GSK3B: variants seen among roughly 807,000 people sequenced by gnomAD.
The protein encoded by GSK3B is glycogen synthase kinase-3 beta.
GSK3B carries 15 observed loss-of-function variants against 56.4 expected under a neutral mutation model. The observed-to-expected ratio is 0.27, with a 90% confidence interval of 0.18 to 0.41. The LOEUF (loss-of-function observed/expected upper bound fraction) is 0.41. Ranked by LOEUF, GSK3B falls within the 10% of genes least tolerant of loss-of-function variation. GSK3B has a pLI of 1.00. For synonymous variants in GSK3B, 181 were observed against 188.9 expected (o/e 0.96, Z 0.34); for missense variants, 300 against 513.4 (o/e 0.58, Z 4.02).
chr3:119,952,728 TA>T (rs1006770382), intron 2 of GSK3B, among the ~76,000 whole-genome samples: 5 of 150,568 alleles, frequency 3.3e-5, no homozygotes, highest in Admixed American at 6.6e-5. Flanking sequence ...AACAAAAAAT[TA>T]AAAAAAACTA....
chr3:119,999,621 G>C (rs1429758648), intron 2 of GSK3B, among the ~76,000 whole-genome samples: 1 of 152,194 alleles, frequency 6.6e-6, no homozygotes, highest in Non-Finnish European at 1.5e-5. Context: ...AAAAAATATG[G>C]AATTTCCTAG....
At chr3:119,929,137 A>G (rs76867271) in intron 3 of GSK3B, among the ~76,000 whole-genome samples, 2,439 of 152,324 alleles carry the variant, frequency 0.016, 62 homozygotes, top group African/African-American at 0.056. Context: ...GCTGAAGGCT[A>G]AAAGAAAAAA....
chr3:119,837,955 T>C (rs2055716684), intron 10 of GSK3B, among the ~76,000 whole-genome samples: 1 of 147,040 alleles, frequency 6.8e-6, no homozygotes. Flanking sequence ...TATATATATA[T>C]ATATATATAT....
chr3:120,030,006 T>A, intron 1 of GSK3B: 1 of 390,418 alleles, frequency 2.6e-6, no homozygotes, highest in Non-Finnish European at 5.1e-6. Flanking sequence ...TTCAGCTGTG[T>A]CCCCCAGTCT....
intron 1 of GSK3B, among the ~76,000 whole-genome samples, chr3:120,053,617 T>C (rs2058168978): frequency 6.6e-6 from 1 of 152,174 alleles, no homozygotes; most frequent in African/African-American, 2.4e-5. Flanking sequence ...ATAATTACAT[T>C]AAACGGCCCC....
chr3:119,868,848 T>C (rs1410322072), intron 8 of GSK3B, among the ~76,000 whole-genome samples: 1 of 152,148 alleles, frequency 6.6e-6, no homozygotes, highest in Non-Finnish European at 1.5e-5. Context: ...ATATTGACTC[T>C]CAAGTAATCT....
intron 8 of GSK3B, among the ~76,000 whole-genome samples, chr3:119,873,566 G>A (rs2056273296): frequency 6.6e-6 from 1 of 152,068 alleles, no homozygotes; most frequent in Non-Finnish European, 1.5e-5. Context: ...TCAATTGGCT[G>A]CTTACCCTAA....
chr3:119,973,129 C>A (rs1189277840), intron 2 of GSK3B, among the ~76,000 whole-genome samples: 1 of 152,130 alleles, frequency 6.6e-6, no homozygotes, highest in East Asian at 1.9e-4. Context: ...CACATTTAAT[C>A]ATTATATTAA....
intron 1 of GSK3B, among the ~76,000 whole-genome samples, chr3:120,077,480 G>A (rs1192266380): frequency 6.6e-6 from 1 of 152,206 alleles, no homozygotes; most frequent in East Asian, 1.9e-4. Flanking sequence ...GTTAGCAGAG[G>A]TTGAGCAGGG....
intron 3 of GSK3B, among the ~76,000 whole-genome samples, chr3:119,934,910 T>G (rs778896410): frequency 1.7e-4 from 26 of 152,184 alleles, no homozygotes; most frequent in Non-Finnish European, 3.4e-4. Flanking sequence ...TACTCCATTC[T>G]GTATTACTTC....
At chr3:120,039,309 T>C (rs1315052387) in intron 1 of GSK3B, among the ~76,000 whole-genome samples, 6 of 152,212 alleles carry the variant, frequency 3.9e-5, no homozygotes, top group African/African-American at 1.4e-4. Context: ...CTAAATGTAG[T>C]CTTACCACAC....
At chr3:120,018,364 A>C (rs554386308) in intron 1 of GSK3B, among the ~76,000 whole-genome samples, 1 of 152,272 alleles carries the variant, frequency 6.6e-6, no homozygotes, top group South Asian at 2.1e-4. Flanking sequence ...CGGTGGTTCC[A>C]TAGGGCCAAC....
chr3:120,001,170 G>T (rs1252918275), intron 2 of GSK3B, among the ~76,000 whole-genome samples: 2 of 151,722 alleles, frequency 1.3e-5, no homozygotes, highest in Non-Finnish European at 2.9e-5. Context: ...TCATGAATGG[G>T]GTTAGCACCA....
chr3:119,909,293 G>C (rs1415266346), intron 6 of GSK3B, among the ~76,000 whole-genome samples: 1 of 152,196 alleles, frequency 6.6e-6, no homozygotes, highest in Non-Finnish European at 1.5e-5. Flanking sequence ...TTACAGGTGT[G>C]AGCCACTGCA....
chr3:119,980,629 C>G (rs2057451142), intron 2 of GSK3B, among the ~76,000 whole-genome samples: 1 of 152,180 alleles, frequency 6.6e-6, no homozygotes, highest in African/African-American at 2.4e-5. Flanking sequence ...GCTGGCATTA[C>G]AGGCGTGAGA....
At chr3:119,840,012 T>C (rs956238428) in intron 10 of GSK3B, among the ~76,000 whole-genome samples, 1 of 152,176 alleles carries the variant, frequency 6.6e-6, no homozygotes, top group Admixed American at 6.5e-5. Flanking sequence ...AGTTTATTTA[T>C]TTATTTTGTA....
At chr3:119,924,521 T>C (rs1293672457) in intron 3 of GSK3B, among the ~76,000 whole-genome samples, 1 of 151,610 alleles carries the variant, frequency 6.6e-6, no homozygotes, top group Non-Finnish European at 1.5e-5. Context: ...AAACTGTGTA[T>C]AAAAGAAGCA....
At chr3:119,929,059 G>A (rs2056917715) in intron 3 of GSK3B, among the ~76,000 whole-genome samples, 1 of 152,178 alleles carries the variant, frequency 6.6e-6, no homozygotes, top group African/African-American at 2.4e-5. Context: ...TGAGTTATGT[G>A]TGATGATCCT....
At chr3:119,856,583 CTAAA>C (rs569609573) in intron 9 of GSK3B, among the ~76,000 whole-genome samples, 157 of 152,264 alleles carry the variant, frequency 1.0e-3, no homozygotes, top group African/African-American at 3.6e-3. Flanking sequence ...GTTACCTGAA[CTAAA>C]TCTTACCTGC....
Sources: gnomAD v4.1 joint callset for allele counts (sites outside exome capture counted in the v4.1 genomes callset) on GRCh38, gnomAD v4.1.1 for gene constraint, MANE v1.5 for transcripts, NCBI Gene and HGNC (gene_info 2026-07-23, HGNC 2026-07-21) for gene names.